LUC7L: variants seen among roughly 807,000 people sequenced by gnomAD.
LUC7L encodes the protein putative RNA-binding protein Luc7-like 1.
Under a neutral mutation model 51.1 loss-of-function variants are expected in LUC7L, and 29 were observed. The ratio of observed to expected loss-of-function variants is 0.57; its 90% CI spans 0.42 to 0.77. The LOEUF is 0.77. Among genes scored for constraint, LUC7L ranks in the 30% least tolerant of loss-of-function variants. LUC7L has a pLI of 0.00. For missense variants in LUC7L, 403 were observed against 511.9 expected (o/e 0.79, Z 2.05); for synonymous variants, 181 against 180.7 (o/e 1.00, Z -0.01).
Position 189,102 on chromosome 16 carries a change from A to G in LUC7L, c.*96T>C, listed in dbSNP as rs2048940538. 8.2e-6 allele frequency: 11 copies of G among 1,341,394 alleles called. No individual in the cohort carries two copies. The highest frequency in any genetic ancestry group is 1.0e-5 in the Non-Finnish European group (10 of 975,536). The allele number at this position is 1,341,394 out of a possible 1,614,324, so 83.1% of individuals were successfully genotyped here. ...CTAGCTCCAAAACAATAGAAATTTT[A>G]AACTACAAAAGATGAGTTGTATTCA... On this transcript the variant is annotated 3_prime_UTR_variant, in exon 10 of 10. Transcript: ENST00000293872.
intron 3 of LUC7L, 22 bp from the exon 4 acceptor site, chr16:208,210 G>C: frequency 6.6e-7 from 1 of 1,522,650 alleles, no homozygotes; most frequent in Non-Finnish European, 9.1e-7. Flanking sequence ...AAAGCACAGC[G>C]CTATAATCAA....
At chr16:218,097 G>A (rs2049858663) in intron 3 of LUC7L, among the ~76,000 whole-genome samples, 1 of 151,956 alleles carries the variant, frequency 6.6e-6, no homozygotes. Flanking sequence ...GGAGGCTGAG[G>A]TAGGAGAATC....
At chr16:223,170 C>T (rs187386022) in intron 2 of LUC7L, among the ~76,000 whole-genome samples, 1 of 150,794 alleles carries the variant, frequency 6.6e-6, no homozygotes, top group African/African-American at 2.4e-5. Flanking sequence ...CCATCCTGGC[C>T]AACACAGTGA....
At chr16:222,697 C>G (rs891272803) in intron 2 of LUC7L, among the ~76,000 whole-genome samples, 2 of 149,332 alleles carry the variant, frequency 1.3e-5, no homozygotes, top group Admixed American at 1.3e-4. Context: ...GTAGTGCAAT[C>G]TCGGCTCACC....
At chr16:196,668 C>G (rs1404109474) in intron 6 of LUC7L, among the ~76,000 whole-genome samples, 2 of 151,338 alleles carry the variant, frequency 1.3e-5, no homozygotes, top group African/African-American at 4.9e-5. Context: ...GCTGAGAATA[C>G]AAATGTGTAC....
At chr16:205,480 C>CT (rs1206357026) in intron 5 of LUC7L, among the ~76,000 whole-genome samples, 1 of 152,202 alleles carries the variant, frequency 6.6e-6, no homozygotes, top group African/African-American at 2.4e-5. Flanking sequence ...GACCCACTGA[C>CT]TGTGGGCAGA....
At chr16:210,124 C>G (rs1412564387) in intron 3 of LUC7L, among the ~76,000 whole-genome samples, 1 of 152,172 alleles carries the variant, frequency 6.6e-6, no homozygotes, top group Non-Finnish European at 1.5e-5. Context: ...CCCATCTCTA[C>G]TAAAAATACA....
intron 7 of LUC7L, among the ~76,000 whole-genome samples, chr16:192,497 G>C (rs908946302): frequency 7.9e-6 from 1 of 125,878 alleles, no homozygotes; most frequent in African/African-American, 2.8e-5. Context: ...TGAATATGCT[G>C]TTTACTTTTT....
Position 220,701 on chromosome 16 carries a change from C to G in LUC7L, c.203G>C (p.Arg68Pro). Residue 68 changes from arginine to proline, a missense_variant, in exon 3 of 10, where the codon CGA (arginine) becomes CCA (proline). By Grantham distance (103) the Arg-to-Pro change is moderately radical. Coordinates refer to ENST00000293872, the MANE Select transcript of LUC7L (RefSeq NM_201412.3). ...ECTKIHDLAL[R>P]ADYEIASKER... ...TTTACTTGCAATCTCATAATCTGCTCGGAGGGCCAAGTCGTGGATTTTGGT... is the reference window on the plus strand; with the variant it reads ...TTTACTTGCAATCTCATAATCTGCTGGGAGGGCCAAGTCGTGGATTTTGGT... The G allele has an allele frequency of 6.2e-7, 1 of 1,613,972 alleles. No individual in the cohort carries two copies. The highest frequency in any genetic ancestry group is 8.5e-7 in the Non-Finnish European group (1 of 1,179,976).
intron 9 of LUC7L, 166 bp downstream of exon 9, chr16:189,802 G>A (rs1409358836): frequency 7.0e-7 from 1 of 1,429,890 alleles, no homozygotes; most frequent in East Asian, 2.5e-5. Context: ...CTCCTCCACA[G>A]CCCTCTCGCC....
chr16:228,231 T>C, intron 1 of LUC7L: 4 of 1,296,454 alleles, frequency 3.1e-6, no homozygotes, highest in Non-Finnish European at 4.1e-6. Flanking sequence ...TAGTGTCTTT[T>C]TATTGAAAAT....
At chr16:222,912 G>C (rs1408164682) in intron 2 of LUC7L, among the ~76,000 whole-genome samples, 1 of 144,498 alleles carries the variant, frequency 6.9e-6, no homozygotes, top group East Asian at 2.1e-4. Context: ...TTACGAGCGT[G>C]AGCCACCTCG....
intron 2 of LUC7L, among the ~76,000 whole-genome samples, chr16:223,675 CTT>C (rs113627667): frequency 2.1e-5 from 3 of 143,704 alleles, no homozygotes; most frequent in Non-Finnish European, 3.1e-5. Context: ...TCTGTTTTTT[CTT>C]TTTTTTTTTT....
intron 3 of LUC7L, among the ~76,000 whole-genome samples, chr16:216,827 A>AT (rs1452513547): frequency 6.6e-6 from 1 of 151,942 alleles, no homozygotes; most frequent in Non-Finnish European, 1.5e-5. Context: ...TCTCTAACCC[A>AT]TTCTCTCAAG....
At chr16:214,326 C>G (rs576818747) in intron 3 of LUC7L, among the ~76,000 whole-genome samples, 136 of 152,292 alleles carry the variant, frequency 8.9e-4, no homozygotes, top group African/African-American at 3.1e-3. Flanking sequence ...TCCCAAAGTG[C>G]TGGGATTACA....
chr16:216,109 C>T lies in LUC7L; in HGVS notation c.255+4540G>A, dbSNP rs182589454. On this transcript the variant is annotated intron_variant, in intron 3 of 9. Transcript: ENST00000293872. Reference sequence around the variant, plus strand: ...CTCTGCCTCCCAGGTTCAAGTGATTCTCCTGCCTCAGCCTCCCGAGTAGCT... The same window carrying T: ...CTCTGCCTCCCAGGTTCAAGTGATTTTCCTGCCTCAGCCTCCCGAGTAGCT... 1.3e-5 allele frequency among the ~76,000 whole-genome samples: 2 copies of T among 152,196 alleles called. 1 individual carries two copies. The highest frequency in any genetic ancestry group is 1.3e-4 in the Admixed American group (2 of 15,288).
At chr16:220,545 T>A in intron 3 of LUC7L, 104 bp downstream of exon 3, 1 of 827,664 alleles carries the variant, frequency 1.2e-6, no homozygotes, top group Non-Finnish European at 2.0e-6. Context: ...AACAAGCAAC[T>A]ACCTTATTAT....
rs368163697 is a variant in LUC7L at position 208,026 on chromosome 16, A to T, written c.366+52T>A. The T allele has an allele frequency of 6.2e-6, 8 of 1,297,568 alleles. No homozygotes were observed. In the African/African-American group the frequency reaches 1.1e-4, roughly 17 times the overall value. 80.4% of individuals were successfully genotyped at this position (1,297,568 alleles called of 1,614,324 possible). On this transcript the variant is annotated intron_variant, in intron 4 of 9. Coordinates refer to ENST00000293872, the MANE Select transcript of LUC7L (RefSeq NM_201412.3). ...TCCATCTCAAAAAAAAAAGCTATTG[A>T]CAAGCCAGTATTTTTAAGAACACAC... is the stretch of plus-strand genomic sequence containing the variant.
chr16:203,637 G>A (rs974820430), intron 5 of LUC7L, among the ~76,000 whole-genome samples: 7 of 149,532 alleles, frequency 4.7e-5, no homozygotes, highest in African/African-American at 1.5e-4. Context: ...GAGCCCAGGA[G>A]ATCAAGCCTT....
Sources: gnomAD v4.1 joint callset for allele counts (sites outside exome capture counted in the v4.1 genomes callset) on GRCh38, gnomAD v4.1.1 for gene constraint, MANE v1.5 for transcripts, NCBI Gene and HGNC (gene_info 2026-07-23, HGNC 2026-07-21) for gene names.